The following PPP2R1B variants were observed in gnomAD, a reference collection of about 807,000 sequenced individuals.
PPP2R1B encodes protein phosphatase 2 scaffold subunit Abeta, also known as serine/threonine-protein phosphatase 2A 65 kDa regulatory subunit A beta isoform.
A neutral mutation model predicts 72.7 loss-of-function variants in PPP2R1B; 58 were observed. The ratio of observed to expected loss-of-function variants is 0.80; its 90% CI spans 0.65 to 0.99. The LOEUF is 0.99. Ranked by LOEUF, PPP2R1B falls within the 50% of genes least tolerant of loss-of-function variation. PPP2R1B has a pLI of 0.00. For synonymous variants in PPP2R1B, 256 were observed against 264.6 expected, an observed-to-expected ratio of 0.97 and a Z score of 0.32; for missense variants, 695 against 733.6, an observed-to-expected ratio of 0.95 and a Z score of 0.61.
chr11:111,741,725 C>T, intron 14 of PPP2R1B, 113 bp from the exon 15 acceptor site: 2 of 1,179,546 alleles, frequency 1.7e-6, no homozygotes, highest in Non-Finnish European at 2.4e-6. Context: ...CAACTTCTCA[C>T]TGTGGTTACT....
At chr11:111,726,930 T>C in exon 16 of PPP2R1B, 1 of 1,604,054 alleles carries the variant, frequency 6.2e-7, no homozygotes, top group Non-Finnish European at 8.5e-7. Context: ...TGTGTGGTAC[T>C]TTATTTTTTA....
At chr11:111,716,609 G>C in the PPP2R1B span, among the ~76,000 whole-genome samples, 1 of 151,992 alleles carries the variant, frequency 6.6e-6, no homozygotes, top group Non-Finnish European at 1.5e-5. Flanking sequence ...AGAAAAATCA[G>C]ATCAATGAAA....
chr11:111,765,462 G>C (rs1484846015), intron 1 of PPP2R1B, 78 bp from the exon 2 acceptor site: 1 of 1,188,622 alleles, frequency 8.4e-7, no homozygotes, highest in Non-Finnish European at 1.2e-6. Context: ...GGTGCTAACA[G>C]GTGAAATTAT....
At chr11:111,706,822 T>C in the PPP2R1B span, among the ~76,000 whole-genome samples, 1 of 151,834 alleles carries the variant, frequency 6.6e-6, no homozygotes, top group Non-Finnish European at 1.5e-5. Flanking sequence ...TAGCCGAGTG[T>C]GGCAGTGAGC....
chr11:111,764,699 T>C, intron 3 of PPP2R1B, 106 bp downstream of exon 3: 4 of 1,118,226 alleles, frequency 3.6e-6, no homozygotes, highest in Non-Finnish European at 3.8e-6. Context: ...TATCTGCCCA[T>C]AAAAAGATCT....
At chr11:111,753,155 C>G (rs1490532629) in intron 9 of PPP2R1B, among the ~76,000 whole-genome samples, 1 of 152,000 alleles carries the variant, frequency 6.6e-6, no homozygotes, top group Admixed American at 6.6e-5. Flanking sequence ...ATAAATGAAA[C>G]TTTTTAAACA....
chr11:111,743,470 G>A lies in PPP2R1B; in HGVS notation c.1460C>T (p.Thr487Ile). ...NLMKLVQKFG[T>I]EWAQNTIVPK... ...AACAATAGTATTTTGGGCCCACTCT[G>A]TACCAAACTTCTGAACTAGTTTCAT... The change falls in exon 12 of 15, where the codon ACA (threonine) becomes ATA (isoleucine). Residue 487 changes from threonine (T) to isoleucine (I), a missense_variant. By Grantham distance (89) the Thr-to-Ile change is moderately conservative (BLOSUM62 -1). Transcript: ENST00000527614. 1.2e-6 allele frequency: 2 copies of A among 1,613,938 alleles called. No homozygotes were observed. Among genetic ancestry groups the A allele is most frequent in the Non-Finnish European group, 1.7e-6 (2 of 1,179,916 alleles).
chr11:111,697,632 C>T, the PPP2R1B span, among the ~76,000 whole-genome samples: 2 of 151,904 alleles, frequency 1.3e-5, no homozygotes, highest in Non-Finnish European at 2.9e-5. Flanking sequence ...AATAGAAAAC[C>T]CAGGATTTGA....
At chr11:111,712,683 T>G in the PPP2R1B span, among the ~76,000 whole-genome samples, 10 of 152,096 alleles carry the variant, frequency 6.6e-5, no homozygotes, top group Admixed American at 2.6e-4. Context: ...GTGTTTGGTT[T>G]GTTTGTTTGT....
rs940070163 is a variant in PPP2R1B at position 111,738,271 on chromosome 11, C to T, written c.*3325G>A. On this transcript the variant is annotated 3_prime_UTR_variant, in exon 15 of 15. Transcript: ENST00000527614. Reference sequence around the variant, plus strand: ...CAGTGGAGAAAAATAAGAAGCTTTACGATAAGAGTGTCACCATTTTTAAAA... The same window carrying T: ...CAGTGGAGAAAAATAAGAAGCTTTATGATAAGAGTGTCACCATTTTTAAAA... The T allele has an allele frequency of 6.1e-6, 6 of 985,306 alleles. No homozygotes were observed. Among genetic ancestry groups the T allele is most frequent in the African/African-American group, 5.2e-5 (3 of 57,232 alleles). 61.0% of individuals were successfully genotyped at this position (985,306 alleles called of 1,614,324 possible). A position where few individuals can be genotyped will look rare whatever the true frequency, so the allele number is the denominator to read the frequency against.
chr11:111,708,073 ATAGCC>A, the PPP2R1B span, among the ~76,000 whole-genome samples: 1 of 152,230 alleles, frequency 6.6e-6, no homozygotes, highest in Admixed American at 6.5e-5. Flanking sequence ...TAAGAAGTTC[ATAGCC>A]TAGTTACAAA....
chr11:111,712,780 C>T, the PPP2R1B span, among the ~76,000 whole-genome samples: 1 of 152,302 alleles, frequency 6.6e-6, no homozygotes, highest in African/African-American at 2.4e-5. Flanking sequence ...TATTGCTGCT[C>T]TTCTGCATAG....
intron 5 of PPP2R1B, among the ~76,000 whole-genome samples, chr11:111,757,607 G>A (rs372609573): frequency 2.6e-5 from 4 of 152,166 alleles, no homozygotes; most frequent in African/African-American, 7.2e-5. Context: ...AGGCCAAGGC[G>A]GACAGATCAC....
At chr11:111,691,677 CAT>C in the PPP2R1B span, among the ~76,000 whole-genome samples, 38 of 152,318 alleles carry the variant, frequency 2.5e-4, no homozygotes, top group Admixed American at 1.4e-3. Context: ...CACACACACA[CAT>C]GTGTGCACAG....
At chr11:111,728,403 C>G (rs1052286914) in intron 15 of PPP2R1B, 1 of 152,322 alleles carries the variant, frequency 6.6e-6, no homozygotes, top group Admixed American at 6.5e-5. Context: ...ATTCTCCTGC[C>G]TCAGCCTCCC....
exon 16 of PPP2R1B, chr11:111,726,991 C>T (rs1435280640): frequency 1.2e-6 from 2 of 1,614,118 alleles, no homozygotes; most frequent in East Asian, 4.5e-5. Flanking sequence ...GAGAAATGCA[C>T]TAGCTCTGCA....
chr11:111,700,748 C>A, the PPP2R1B span: 1 of 1,013,424 alleles, frequency 9.9e-7, no homozygotes, highest in Non-Finnish European at 1.4e-6. Flanking sequence ...GGAAACATCA[C>A]AAGATAAGAT....
chr11:111,736,487 A>G (rs2136024640), downstream of PPP2R1B, among the ~76,000 whole-genome samples: 1 of 152,284 alleles, frequency 6.6e-6, no homozygotes, highest in Non-Finnish European at 1.5e-5. Flanking sequence ...AGTTCTGTGA[A>G]GACGACATGG....
intron 4 of PPP2R1B, 84 bp from the exon 5 acceptor site, chr11:111,760,035 G>T (rs919882854): frequency 2.2e-6 from 3 of 1,382,298 alleles, no homozygotes; most frequent in Middle Eastern, 1.8e-4. Flanking sequence ...GACTTTTAGA[G>T]GTTTTATCTT....
Sources: gnomAD v4.1 joint callset for allele counts (sites outside exome capture counted in the v4.1 genomes callset) on GRCh38, gnomAD v4.1.1 for gene constraint, MANE v1.5 for transcripts, NCBI Gene and HGNC (gene_info 2026-07-23, HGNC 2026-07-21) for gene names.